Variants in CR1 observed in about 807,000 individuals in gnomAD.
CR1 encodes the protein complement C3b/C4b receptor 1 (Knops blood group).
A neutral mutation model predicts 187.3 loss-of-function variants in CR1; 116 were observed. That is an observed-to-expected ratio of 0.62 (90% CI 0.53 to 0.72). The LOEUF (loss-of-function observed/expected upper bound fraction) is 0.72. Ranked by LOEUF, CR1 falls within the 30% of genes least tolerant of loss-of-function variation. CR1 has a pLI of 0.00. For synonymous variants in CR1, 576 were observed against 747.1 expected, an observed-to-expected ratio of 0.77 and a Z score of 3.73; for missense variants, 1,731 against 2,110.7, an observed-to-expected ratio of 0.82 and a Z score of 3.52.
At chr1:207,637,873 T>C (rs1662864378) in intron 46 of CR1, among the ~76,000 whole-genome samples, 1 of 152,220 alleles carries the variant, frequency 6.6e-6, no homozygotes, top group African/African-American at 2.4e-5. Flanking sequence ...AGGAAGCTGA[T>C]TTTCTCCTGG....
At position 207,580,593 on chromosome 1, in the gene CR1, G is replaced by A. The variant is rs780057886; in HGVS notation, c.5196G>A (p.Val1732=). 1.2e-6 allele frequency: 2 copies of A among 1,612,820 alleles called. No homozygotes were observed. The highest frequency in any genetic ancestry group is 1.7e-5 in the Admixed American group (1 of 59,862). Residue 1732 remains valine (V), a synonymous_variant, in exon 31 of 47, where the codon GTG becomes GTA. Transcript: ENST00000367049. Reference sequence around the variant, plus strand: ...TTAATCTCCAGCTTGGGGCAAAGGTGTCCTTTGTCTGTGATGAAGGGTAAG... The same window carrying A: ...TTAATCTCCAGCTTGGGGCAAAGGTATCCTTTGTCTGTGATGAAGGGTAAG... The part of the protein sequence containing the change: ...FPLNLQLGAK[V]SFVCDEGFRL...
chr1:207,618,233 A>G lies in CR1; in HGVS notation c.7052A>G (p.Asp2351Gly). Residue 2351 changes from aspartate (D) to glycine (G), a missense_variant, in exon 42 of 47, where the codon GAT (aspartate) becomes GGT (glycine). By Grantham distance (94) the Asp-to-Gly change is moderately conservative. This residue lies in a region of CR1 where 1,312 missense variants were observed against 1,379.6 expected (regional missense o/e 0.95). Coordinates refer to ENST00000367049, the MANE Select transcript of CR1 (RefSeq NM_000651.6). ...GACCAGGGAATCTGGAGCCAATTGG[A>G]TCATTATTGCAAAGGTGACTTATTT... The part of the protein sequence containing the change: ...CTDQGIWSQL[D>G]HYCKEVNCSF... 3 of 1,613,478 alleles carry G rather than the reference A, an allele frequency of 1.9e-6. No homozygotes were observed. Among genetic ancestry groups the G allele is most frequent in the Non-Finnish European group, 2.5e-6 (3 of 1,179,632 alleles).
intron 45 of CR1, among the ~76,000 whole-genome samples, chr1:207,630,287 T>C (rs768358071): frequency 6.6e-6 from 1 of 152,184 alleles, no homozygotes; most frequent in Non-Finnish European, 1.5e-5. Context: ...CAATTTAGAG[T>C]ACTCTGACAG....
intron 26 of CR1, 39 bp from the exon 27 acceptor site, chr1:207,569,807 GA>G: frequency 6.0e-6 from 1 of 167,292 alleles, no homozygotes; most frequent in East Asian, 1.2e-4. Context: ...AGAGAGTTCA[GA>G]TTACTCTACC....
intron 42 of CR1, among the ~76,000 whole-genome samples, chr1:207,619,179 T>C (rs2102399807): frequency 6.6e-6 from 1 of 151,664 alleles, no homozygotes; most frequent in South Asian, 2.1e-4. Context: ...GGTCAGGAGT[T>C]CGAGACCAGC....
At chr1:207,565,774 G>T (rs1660474557) in intron 23 of CR1, 64 bp from the exon 24 acceptor site, 1 of 1,603,032 alleles carries the variant, frequency 6.2e-7, no homozygotes, top group South Asian at 1.1e-5. Context: ...CTGGGCCTTA[G>T]ATTGTGAACT....
chr1:207,593,084 C>CAAAAAAAAAAAA lies in CR1; in HGVS notation c.5810+4318_5810+4329dup, dbSNP rs57700679. Among the ~76,000 whole-genome samples, 8 of 83,100 alleles carry CAAAAAAAAAAAA rather than the reference C, an allele frequency of 9.6e-5. 1 individual carries two copies. Among genetic ancestry groups the CAAAAAAAAAAAA allele is most frequent in the African/African-American group, 4.0e-4 (8 of 20,012 alleles). 54.5% of individuals were successfully genotyped at this position (83,100 alleles called of 152,430 possible). A position where few individuals can be genotyped will look rare whatever the true frequency, so the allele number is the denominator to read the frequency against. On this transcript the variant is annotated intron_variant, in intron 35 of 46. Transcript: ENST00000367049. ...ACCAATGGCTTTCTTCACAGAATTA[C>CAAAAAAAAAAAA]AAAAAAAAAAAAAAAAAAACTACTT...
rs1232237490 is a variant in CR1 at position 207,621,968 on chromosome 1, T to C, written c.7253-5T>C. 1 of 1,596,888 alleles carries C rather than the reference T, an allele frequency of 6.3e-7. No homozygotes were observed. Among genetic ancestry groups the C allele is most frequent in the African/African-American group, 1.3e-5 (1 of 74,726 alleles). On this transcript the variant is annotated splice_region_variant and splice_polypyrimidine_tract_variant and intron_variant, in intron 43 of 46. Coordinates refer to ENST00000367049, the MANE Select transcript of CR1 (RefSeq NM_000651.6). The stretch of plus-strand genomic sequence containing the variant: ...GATGTTTTGTGACTTTTGTCTTCCT[T>C]TTAGGTACACATGATGCTCTCATAG...
At chr1:207,564,459 A>G (rs933501269) in intron 23 of CR1, among the ~76,000 whole-genome samples, 4 of 150,210 alleles carry the variant, frequency 2.7e-5, no homozygotes, top group African/African-American at 5.1e-5. Context: ...TGGCAAGTTC[A>G]AAGGCAAGTA....
intron 33 of CR1, among the ~76,000 whole-genome samples, chr1:207,585,668 A>G (rs1302774028): frequency 2.6e-5 from 4 of 152,182 alleles, no homozygotes; most frequent in African/African-American, 7.2e-5. Context: ...AAAAGACTAA[A>G]CCTGATGAAA....
chr1:207,635,648 C>T (rs1293520313), intron 46 of CR1, among the ~76,000 whole-genome samples: 12 of 152,128 alleles, frequency 7.9e-5, no homozygotes, highest in South Asian at 4.1e-4. Flanking sequence ...TCTTCCTCAG[C>T]GCAGACCCTT....
At chr1:207,577,256 A>T (rs915180284) in intron 28 of CR1, among the ~76,000 whole-genome samples, 8 of 139,454 alleles carry the variant, frequency 5.7e-5, no homozygotes, top group African/African-American at 2.2e-4. Flanking sequence ...GTTAAAACAA[A>T]CAAACAAACA....
intron 40 of CR1, 48 bp downstream of exon 40, chr1:207,614,537 T>C (rs1401171316): frequency 6.6e-7 from 1 of 1,512,488 alleles, no homozygotes; most frequent in South Asian, 1.1e-5. Flanking sequence ...TTATTTTCGT[T>C]TTCCAGCATG....
At chr1:207,496,716 A>C (rs1213074241) in intron 1 of CR1, among the ~76,000 whole-genome samples, 1 of 152,204 alleles carries the variant, frequency 6.6e-6, no homozygotes, top group Non-Finnish European at 1.5e-5. Flanking sequence ...GGCTATAGCC[A>C]AGACGTGGCG....
chr1:207,615,264 C>T (rs568881715), intron 40 of CR1, among the ~76,000 whole-genome samples: 1 of 152,176 alleles, frequency 6.6e-6, no homozygotes, highest in Admixed American at 6.5e-5. Context: ...GAAGACACCT[C>T]CCTACTTTCC....
chr1:207,503,518 C>T (rs1408412992), intron 1 of CR1, among the ~76,000 whole-genome samples: 2 of 152,130 alleles, frequency 1.3e-5, no homozygotes, highest in Admixed American at 1.3e-4. Context: ...GGGCTGCTTC[C>T]GTCCTTTGGC....
intron 46 of CR1, among the ~76,000 whole-genome samples, chr1:207,638,212 C>A (rs1363453931): frequency 1.3e-5 from 2 of 152,190 alleles, no homozygotes; most frequent in African/African-American, 2.4e-5. Flanking sequence ...GTATGTGAAA[C>A]TTTCCACTGA....
At position 207,623,032 on chromosome 1, in the gene CR1, T is replaced by C. The variant is rs374944231; in HGVS notation, c.7316T>C (p.Ile2439Thr). 68 of 1,580,922 alleles carry C rather than the reference T, an allele frequency of 4.3e-5. No individual in the cohort carries two copies. Among genetic ancestry groups the C allele is most frequent in the Admixed American group, 9.1e-5 (5 of 55,018 alleles). Residue 2439 changes from isoleucine to threonine, a missense_variant, in exon 45 of 47, where the codon ATT becomes ACT. Ile to Thr is a moderately conservative substitution (Grantham distance 89). Transcript: ENST00000367049. ...ACGATCTTCTTTATTTTACTCATCA[T>C]TTTCCTCTCTTGGATAATTCTAAAG... ...SGTIFFILLI[I>T]FLSWIILKHR... is the part of the protein sequence containing the mutation.
intron 32 of CR1, among the ~76,000 whole-genome samples, chr1:207,584,358 T>A (rs1432005967): frequency 6.6e-6 from 1 of 152,206 alleles, no homozygotes; most frequent in Non-Finnish European, 1.5e-5. Context: ...CTGTGAAGAT[T>A]TTTATTTACT....
Sources: allele counts gnomAD v4.1 joint callset (sites outside exome capture counted in the v4.1 genomes callset), GRCh38; gene constraint gnomAD v4.1.1; regional missense constraint gnomAD v4.1.1; transcripts MANE v1.5; gene names NCBI Gene and HGNC (gene_info 2026-07-23, HGNC 2026-07-21).